ALDH18A1: variants seen among roughly 807,000 people sequenced by gnomAD.
ALDH18A1 encodes the protein aldehyde dehydrogenase 18 family member A1, also known as delta-1-pyrroline-5-carboxylate synthase.
A neutral mutation model predicts 88.8 loss-of-function variants in ALDH18A1; 44 were observed. That is an observed-to-expected ratio of 0.50 (90% CI 0.39 to 0.64). The LOEUF (loss-of-function observed/expected upper bound fraction) is 0.64. Among genes scored for constraint, ALDH18A1 ranks in the 30% least tolerant of loss-of-function variants. The probability of loss-of-function intolerance (pLI) is 0.00; values close to 1 mark genes in which losing one functional copy is unlikely to be tolerated. For synonymous variants in ALDH18A1, 331 were observed against 372.1 expected (o/e 0.89, Z 1.27); for missense variants, 782 against 1,009.5 (o/e 0.77, Z 3.05).
chr10:95,635,407 T>C (rs1316147282), intron 5 of ALDH18A1, among the ~76,000 whole-genome samples: 2 of 151,390 alleles, frequency 1.3e-5, no homozygotes, highest in Admixed American at 6.6e-5. Context: ...AGATAAAGAG[T>C]CCCAAGAGGG....
chr10:95,606,137 T>C lies in ALDH18A1; in HGVS notation c.*625A>G, dbSNP rs2097822183. 2 of 584,856 alleles carry C rather than the reference T, an allele frequency of 3.4e-6. No homozygotes were observed. The highest frequency in any genetic ancestry group is 4.3e-6 in the Non-Finnish European group (2 of 463,828). 36.2% of individuals were successfully genotyped at this position (584,856 alleles called of 1,614,324 possible). A position where few individuals can be genotyped will look rare whatever the true frequency, so the allele number is the denominator to read the frequency against. ...CTTGCATCTCCTGCTGCAGCTTGGG[T>C]TCCAGCTGCATCACGGGGAACACAG... On this transcript the variant is annotated 3_prime_UTR_variant, in exon 18 of 18. Coordinates refer to ENST00000371224, the MANE Select transcript of ALDH18A1 (RefSeq NM_002860.4).
intron 1 of ALDH18A1, among the ~76,000 whole-genome samples, chr10:95,654,717 G>C (rs116858420): frequency 0.033 from 5,026 of 150,676 alleles, 116 homozygotes; most frequent in Non-Finnish European, 0.049. Flanking sequence ...GTAGGCAACA[G>C]AAAGTATTAA....
chr10:95,638,750 T>C (rs1368570020), intron 3 of ALDH18A1, among the ~76,000 whole-genome samples: 3 of 152,138 alleles, frequency 2.0e-5, no homozygotes. Context: ...CATGAAAAAA[T>C]TAAAGACTCA....
At chr10:95,645,351 G>A (rs1427304677) in intron 2 of ALDH18A1, among the ~76,000 whole-genome samples, 1 of 152,166 alleles carries the variant, frequency 6.6e-6, no homozygotes, top group Non-Finnish European at 1.5e-5. Flanking sequence ...CTTTATTAGA[G>A]AGTTAACTAC....
chr10:95,625,748 G>A (rs1220614961), intron 10 of ALDH18A1, among the ~76,000 whole-genome samples: 2 of 147,604 alleles, frequency 1.4e-5, no homozygotes, highest in Non-Finnish European at 3.0e-5. Context: ...ATAATCAGGA[G>A]TCATAAGAAA....
chr10:95,642,015 A>T (rs2097892701), intron 3 of ALDH18A1, among the ~76,000 whole-genome samples: 1 of 152,200 alleles, frequency 6.6e-6, no homozygotes, highest in Non-Finnish European at 1.5e-5. Context: ...AATATAAGAA[A>T]AAAATTGTAT....
At chr10:95,637,964 CAAA>C (rs2097884044) in intron 3 of ALDH18A1, among the ~76,000 whole-genome samples, 1 of 132,482 alleles carries the variant, frequency 7.5e-6, no homozygotes, top group Non-Finnish European at 1.6e-5. Context: ...GATGCTGTCT[CAAA>C]AACAACAACA....
At chr10:95,610,331 C>T (rs771294999) in intron 16 of ALDH18A1, 39 bp from the exon 17 acceptor site, 1 of 1,589,022 alleles carries the variant, frequency 6.3e-7, no homozygotes, top group Non-Finnish European at 8.6e-7. Context: ...TAGGATGATA[C>T]CCAGAGAACA....
intron 2 of ALDH18A1, 84 bp downstream of exon 2, chr10:95,653,205 AT>A: frequency 7.7e-7 from 1 of 1,293,110 alleles, no homozygotes; most frequent in Non-Finnish European, 1.1e-6. Flanking sequence ...ACAAACAAAC[AT>A]CTTTTTTCTC....
intron 3 of ALDH18A1, among the ~76,000 whole-genome samples, chr10:95,642,457 A>C (rs896259951): frequency 6.6e-6 from 1 of 152,146 alleles, no homozygotes; most frequent in Admixed American, 6.5e-5. Flanking sequence ...TCTACGAAAA[A>C]TACAAAAATT....
At chr10:95,638,154 C>T (rs1439161701) in intron 3 of ALDH18A1, among the ~76,000 whole-genome samples, 2 of 152,158 alleles carry the variant, frequency 1.3e-5, no homozygotes, top group East Asian at 3.9e-4. Flanking sequence ...GCTGGAACTA[C>T]AGGCTCATGC....
intron 1 of ALDH18A1, among the ~76,000 whole-genome samples, chr10:95,654,314 G>A (rs1555266230): frequency 1.3e-5 from 2 of 151,842 alleles, no homozygotes; most frequent in Admixed American, 1.3e-4. Context: ...ACAGGCACGC[G>A]CTACCATGCC....
chr10:95,610,035 G>A (rs2097830678), intron 17 of ALDH18A1, among the ~76,000 whole-genome samples, 162 bp downstream of exon 17: 1 of 152,128 alleles, frequency 6.6e-6, no homozygotes, highest in Non-Finnish European at 1.5e-5. Context: ...CTCCCAAAGT[G>A]CTGGGATTAC....
chr10:95,634,342 G>C (rs1359632049), intron 5 of ALDH18A1, among the ~76,000 whole-genome samples: 1 of 152,128 alleles, frequency 6.6e-6, no homozygotes, highest in Non-Finnish European at 1.5e-5. Context: ...ACTCTCAAGT[G>C]ATCCTCCCAC....
At chr10:95,639,791 C>G (rs937235663) in intron 3 of ALDH18A1, among the ~76,000 whole-genome samples, 5 of 152,016 alleles carry the variant, frequency 3.3e-5, no homozygotes, top group African/African-American at 1.2e-4. Flanking sequence ...TCAGTTTTCC[C>G]CCTTGTAATT....
chr10:95,636,173 A>G (rs1184585236), intron 5 of ALDH18A1, among the ~76,000 whole-genome samples: 1 of 152,222 alleles, frequency 6.6e-6, no homozygotes, highest in Non-Finnish European at 1.5e-5. Context: ...CAGGAAATGA[A>G]GAAGCAAAAC....
chr10:95,621,247 T>C lies in ALDH18A1; in HGVS notation c.1251A>G (p.Arg417=). The C allele has an allele frequency of 6.2e-7, 1 of 1,612,006 alleles. No homozygotes were observed. ...NKKDLEEAEG[R]LAAPLLKRLS... is the part of the protein sequence containing the mutation. ...AACGTTTCAGCAGAGGAGCTGCAAG[T>C]CTCCCTGAAAAGCCATTAAGAGGAT... The change falls in exon 12 of 18, where the codon AGA becomes AGG. Residue 417 remains arginine (R), a synonymous_variant. Transcript: ENST00000371224.
intron 5 of ALDH18A1, among the ~76,000 whole-genome samples, chr10:95,634,284 T>C (rs1486198870): frequency 1.3e-5 from 2 of 152,180 alleles, no homozygotes; most frequent in Non-Finnish European, 2.9e-5. Flanking sequence ...CTTTTCTTTT[T>C]TTATAGAGAG....
chr10:95,609,829 G>A (rs986836802), intron 17 of ALDH18A1, among the ~76,000 whole-genome samples: 1 of 138,676 alleles, frequency 7.2e-6, no homozygotes, highest in African/African-American at 2.8e-5. Context: ...GTGCTGTAGC[G>A]TAATCTCGGG....
Sources: gnomAD v4.1 joint callset for allele counts (sites outside exome capture counted in the v4.1 genomes callset) on GRCh38, gnomAD v4.1.1 for gene constraint, MANE v1.5 for transcripts, NCBI Gene and HGNC (gene_info 2026-07-23, HGNC 2026-07-21) for gene names.